Variants in NARS2 observed in about 807,000 individuals in gnomAD.
The protein encoded by NARS2 is asparaginyl-tRNA synthetase 2, mitochondrial.
A neutral mutation model predicts 62.9 loss-of-function variants in NARS2; 60 were observed. That is an observed-to-expected ratio of 0.95 (90% CI 0.77 to 1.18). NARS2 has a LOEUF of 1.18. Ranked by LOEUF, NARS2 falls within the 50% of genes most tolerant of loss-of-function variation. NARS2 has a pLI of 0.00. For synonymous variants in NARS2, 196 were observed against 200.0 expected, an observed-to-expected ratio of 0.98 and a Z score of 0.17; for missense variants, 619 against 576.4, an observed-to-expected ratio of 1.07 and a Z score of -0.76.
At chr11:78,453,670 C>T (rs192117821) in intron 11 of NARS2, among the ~76,000 whole-genome samples, 71 of 152,302 alleles carry the variant, frequency 4.7e-4, no homozygotes, top group Non-Finnish European at 9.8e-4. Flanking sequence ...AGGTTACACA[C>T]TAGTATCAGA....
chr11:78,470,473 C>CT (rs141982894), intron 9 of NARS2, among the ~76,000 whole-genome samples: 1,651 of 152,068 alleles, frequency 0.011, 34 homozygotes, highest in African/African-American at 0.039. Context: ...CACAATCTTC[C>CT]TTTTTTACAG....
At chr11:78,463,373 T>C (rs986096597) in intron 11 of NARS2, among the ~76,000 whole-genome samples, 5 of 152,160 alleles carry the variant, frequency 3.3e-5, no homozygotes, top group Admixed American at 1.3e-4. Flanking sequence ...TTATAGCTAA[T>C]TTTGTAAAAA....
intron 10 of NARS2, among the ~76,000 whole-genome samples, chr11:78,468,317 AAAAAAAAAAAAG>A (rs1006437786): frequency 6.8e-6 from 1 of 146,194 alleles, no homozygotes; most frequent in African/African-American, 2.6e-5. Flanking sequence ...TCTGAAAAAA[AAAAAAAAAAAAG>A]AAAAAAAAGA....
chr11:78,538,420 G>C (rs1855458491), intron 5 of NARS2, among the ~76,000 whole-genome samples: 2 of 151,996 alleles, frequency 1.3e-5, no homozygotes, highest in South Asian at 4.2e-4. Context: ...CATTCTAATG[G>C]GGAAAAAAGA....
chr11:78,547,190 G>T (rs1269190502), intron 5 of NARS2, among the ~76,000 whole-genome samples: 1 of 152,008 alleles, frequency 6.6e-6, no homozygotes, highest in Non-Finnish European at 1.5e-5. Context: ...AATTAGCCAG[G>T]TGTGGTGGTG....
At position 78,493,114 on chromosome 11, in the gene NARS2, A is replaced by G. The variant is rs750288100; in HGVS notation, c.771T>C (p.Tyr257=). 1 of 1,614,090 alleles carries G rather than the reference A, an allele frequency of 6.2e-7. No individual in the cohort carries two copies. The highest frequency in any genetic ancestry group is 8.5e-7 in the Non-Finnish European group (1 of 1,179,938). ...CAAAAGAAATCTCTGCTTCTATCAT[A>G]TAAAACTCTGCCAGGTGCCTCCGGC... ...SQSRRHLAEF[Y]MIEAEISFVD... The change falls in exon 7 of 14, where the codon TAT becomes TAC. Residue 257 remains tyrosine (Y), a synonymous_variant. Coordinates refer to ENST00000281038, the MANE Select transcript of NARS2 (RefSeq NM_024678.6).
intron 11 of NARS2, among the ~76,000 whole-genome samples, chr11:78,453,969 C>G (rs1451499470): frequency 6.6e-5 from 10 of 152,198 alleles, no homozygotes; most frequent in Admixed American, 6.5e-4. Flanking sequence ...GAAATTCTTA[C>G]CTTGCTCCCA....
At chr11:78,475,692 G>A (rs181542806) in intron 9 of NARS2, among the ~76,000 whole-genome samples, 1 of 148,994 alleles carries the variant, frequency 6.7e-6, no homozygotes, top group Admixed American at 6.8e-5. Flanking sequence ...AACCTCCTGG[G>A]CTTAGGCAAT....
chr11:78,515,925 A>G (rs2135398834), intron 6 of NARS2, among the ~76,000 whole-genome samples: 1 of 152,298 alleles, frequency 6.6e-6, no homozygotes, highest in South Asian at 2.1e-4. Flanking sequence ...TATATCTCTT[A>G]CAGAAACCCA....
intron 11 of NARS2, among the ~76,000 whole-genome samples, chr11:78,462,871 C>G (rs1289832766): frequency 6.6e-6 from 1 of 152,114 alleles, no homozygotes; most frequent in African/African-American, 2.4e-5. Context: ...GGGCCCTAAT[C>G]TACATTTTTG....
chr11:78,525,618 T>C lies in NARS2; in HGVS notation c.689+3224A>G, dbSNP rs1369393709. 2.6e-5 allele frequency among the ~76,000 whole-genome samples: 4 copies of C among 152,164 alleles called. No individual in the cohort carries two copies. The East Asian group carries it at 7.7e-4, about 29-fold the overall frequency. ...AGGATAAAGAGACAACAAATTTTCA[T>C]ATAGAATTCCAAACATTCTCCCTCC... is the stretch of plus-strand genomic sequence containing the variant. On this transcript the variant is annotated intron_variant, in intron 6 of 13. Coordinates refer to ENST00000281038, the MANE Select transcript of NARS2 (RefSeq NM_024678.6).
intron 6 of NARS2, among the ~76,000 whole-genome samples, chr11:78,514,438 C>T (rs1475525130): frequency 6.6e-6 from 1 of 152,144 alleles, no homozygotes; most frequent in Non-Finnish European, 1.5e-5. Context: ...TTCTTTATAG[C>T]AGTGCAAAAA....
chr11:78,498,752 G>T (rs1315130040), intron 6 of NARS2, among the ~76,000 whole-genome samples: 1 of 150,134 alleles, frequency 6.7e-6, no homozygotes, highest in African/African-American at 2.5e-5. Flanking sequence ...ACTGTTCACA[G>T]CACCTTTCAA....
chr11:78,468,184 A>T (rs896161129), intron 10 of NARS2, among the ~76,000 whole-genome samples: 1 of 151,634 alleles, frequency 6.6e-6, no homozygotes, highest in African/African-American at 2.4e-5. Flanking sequence ...TCCATCTCTT[A>T]AATATAAAGT....
intron 11 of NARS2, among the ~76,000 whole-genome samples, chr11:78,457,174 T>C (rs1305870426): frequency 1.3e-5 from 2 of 152,230 alleles, no homozygotes; most frequent in Non-Finnish European, 2.9e-5. Context: ...CATACCTTCA[T>C]TTCTACTGAG....
At chr11:78,492,110 C>G (rs201041364) in intron 7 of NARS2, among the ~76,000 whole-genome samples, 2 of 105,178 alleles carry the variant, frequency 1.9e-5, no homozygotes, top group African/African-American at 1.2e-4. Flanking sequence ...TATATATATA[C>G]AGACACACAC....
chr11:78,535,415 T>C (rs1338759330), intron 5 of NARS2, among the ~76,000 whole-genome samples: 1 of 152,186 alleles, frequency 6.6e-6, no homozygotes, highest in Non-Finnish European at 1.5e-5. Flanking sequence ...CACATTGAGA[T>C]AAAATCTCAA....
chr11:78,543,588 C>A (rs966212985), intron 5 of NARS2, among the ~76,000 whole-genome samples: 1 of 152,070 alleles, frequency 6.6e-6, no homozygotes, highest in African/African-American at 2.4e-5. Flanking sequence ...AAAAATAATT[C>A]TCTCTATATT....
intron 9 of NARS2, among the ~76,000 whole-genome samples, chr11:78,471,614 A>C (rs181259639): frequency 0.016 from 2,407 of 151,438 alleles, 55 homozygotes; most frequent in African/African-American, 0.055. Flanking sequence ...TACATGTGCC[A>C]TGCTGGTGCG....
Sources: allele counts gnomAD v4.1 joint callset (sites outside exome capture counted in the v4.1 genomes callset), GRCh38; gene constraint gnomAD v4.1.1; transcripts MANE v1.5; gene names NCBI Gene and HGNC (gene_info 2026-07-23, HGNC 2026-07-21).